The following IKZF2 variants were observed in gnomAD, a reference collection of about 807,000 sequenced individuals.
IKZF2 encodes the protein zinc finger protein Helios.
IKZF2 carries 15 observed loss-of-function variants against 49.2 expected under a neutral mutation model. The observed-to-expected ratio is 0.30, with a 90% confidence interval of 0.20 to 0.47. The LOEUF is 0.47. Among genes scored for constraint, IKZF2 ranks in the 20% least tolerant of loss-of-function variants. The probability of loss-of-function intolerance (pLI) is 1.00; values close to 1 mark genes in which losing one functional copy is unlikely to be tolerated. For synonymous variants in IKZF2, 227 were observed against 221.4 expected (o/e 1.03, Z -0.23); for missense variants, 567 against 664.6 (o/e 0.85, Z 1.61).
chr2:213,046,378 A>C (rs1003370106), intron 6 of IKZF2, among the ~76,000 whole-genome samples: 1 of 152,168 alleles, frequency 6.6e-6, no homozygotes, highest in Non-Finnish European at 1.5e-5. Flanking sequence ...TTTTTGCTTC[A>C]ACCCGTATGT....
intron 6 of IKZF2, among the ~76,000 whole-genome samples, chr2:213,028,966 T>C (rs1698117275): frequency 6.6e-6 from 1 of 152,082 alleles, no homozygotes; most frequent in Non-Finnish European, 1.5e-5. Flanking sequence ...GAAAATTACA[T>C]TGTGATGTTT....
Position 213,001,079 on chromosome 2 carries a change from A to AC in IKZF2, c.*6280_*6281insG, listed in dbSNP as rs2124937622. The stretch of plus-strand genomic sequence containing the variant: ...AAGAATAGGTCAGAAAAGAAAAAAA[A>AC]ATCACCATAGTTTTTAAGACTTCAA... On this transcript the variant is annotated 3_prime_UTR_variant, in exon 9 of 9. Transcript: ENST00000434687. The AC allele has an allele frequency of 6.6e-6, 1 of 152,024 alleles. No homozygotes were observed. The highest frequency in any genetic ancestry group is 2.1e-4 in the South Asian group (1 of 4,818). 9.4% of individuals were successfully genotyped at this position (152,024 alleles called of 1,614,324 possible).
At chr2:213,134,041 G>T (rs995171592) in intron 4 of IKZF2, among the ~76,000 whole-genome samples, 1 of 152,074 alleles carries the variant, frequency 6.6e-6, no homozygotes. Flanking sequence ...TTTTACTACA[G>T]TATTAAAGCA....
At chr2:213,124,563 G>GATGC (rs1434114773) in intron 4 of IKZF2, among the ~76,000 whole-genome samples, 1 of 152,190 alleles carries the variant, frequency 6.6e-6, no homozygotes, top group Admixed American at 6.5e-5. Context: ...GACACACTTG[G>GATGC]ATGCATAATT....
intron 4 of IKZF2, among the ~76,000 whole-genome samples, chr2:213,144,316 A>G (rs1162471860): frequency 6.6e-6 from 1 of 151,956 alleles, no homozygotes; most frequent in Non-Finnish European, 1.5e-5. Context: ...GTATTTTCAT[A>G]CCCATTTAAG....
chr2:213,150,463 C>CTCCTCCTCG, intron 1 of IKZF2: 1 of 244,970 alleles, frequency 4.1e-6, no homozygotes, highest in Non-Finnish European at 8.2e-6. Flanking sequence ...CCCCCTCCTC[C>CTCCTCCTCG]TCCTCCTCCT....
At chr2:213,018,478 A>C (rs1696850382) in intron 7 of IKZF2, among the ~76,000 whole-genome samples, 1 of 152,028 alleles carries the variant, frequency 6.6e-6, no homozygotes, top group Non-Finnish European at 1.5e-5. Context: ...TTGCCTCTTC[A>C]TCTTTTTCTT....
chr2:213,083,773 C>T (rs557404210), intron 4 of IKZF2, among the ~76,000 whole-genome samples: 12 of 150,478 alleles, frequency 8.0e-5, no homozygotes, highest in African/African-American at 1.2e-4. Context: ...GAGAATCTAA[C>T]GCCTGATGAT....
At chr2:213,026,970 C>T (rs775000675) in intron 6 of IKZF2, among the ~76,000 whole-genome samples, 1 of 151,828 alleles carries the variant, frequency 6.6e-6, no homozygotes, top group East Asian at 1.9e-4. Flanking sequence ...GTTAGATATG[C>T]CCATAAAAAA....
intron 7 of IKZF2, among the ~76,000 whole-genome samples, chr2:213,017,878 G>A (rs1696786903): frequency 6.6e-6 from 1 of 151,998 alleles, no homozygotes; most frequent in East Asian, 1.9e-4. Flanking sequence ...TGTTGTATTT[G>A]TGTCTCTAAT....
intron 6 of IKZF2, among the ~76,000 whole-genome samples, chr2:213,022,769 C>G (rs955056905): frequency 6.6e-6 from 1 of 152,042 alleles, no homozygotes. Flanking sequence ...AATTAACCTA[C>G]TAGGTGCTTT....
At chr2:213,056,683 C>G in intron 5 of IKZF2, 150 bp downstream of exon 5, 1 of 919,210 alleles carries the variant, frequency 1.1e-6, no homozygotes, top group Non-Finnish European at 1.7e-6. Flanking sequence ...AGGCTACTCT[C>G]TGTTTTTCTG....
intron 4 of IKZF2, among the ~76,000 whole-genome samples, chr2:213,124,244 G>GCGCGCA (rs1553599619): frequency 2.4e-4 from 19 of 79,022 alleles, no homozygotes; most frequent in African/African-American, 1.1e-3. Context: ...ATGCGCTCGC[G>GCGCGCA]CGCGCGCGCA....
At chr2:213,087,842 C>T (rs892183423) in intron 4 of IKZF2, among the ~76,000 whole-genome samples, 8 of 152,128 alleles carry the variant, frequency 5.3e-5, no homozygotes, top group African/African-American at 7.2e-5. Context: ...CATCCTTTTT[C>T]GTGGCTGCAT....
At chr2:213,139,213 G>A (rs1171705128) in intron 4 of IKZF2, among the ~76,000 whole-genome samples, 1 of 151,866 alleles carries the variant, frequency 6.6e-6, no homozygotes, top group Non-Finnish European at 1.5e-5. Context: ...CTGAATCTGG[G>A]GGATTTAGCC....
chr2:213,021,990 C>T lies in IKZF2; in HGVS notation c.712+3G>A. 6.2e-7 allele frequency: 1 copy of T among 1,605,376 alleles called. No individual in the cohort carries two copies. Among genetic ancestry groups the T allele is most frequent in the South Asian group, 1.1e-5 (1 of 88,884 alleles). On this transcript the variant is annotated splice_donor_region_variant and intron_variant, in intron 7 of 8. Transcript: ENST00000434687. ...AAAAATGATGAATCCAGTTTCTACC[C>T]ACCATGGTGACTCATGACCTGCCCA...
At position 213,003,663 on chromosome 2, in the gene IKZF2, T is replaced by C. The variant is rs187973819; in HGVS notation, c.*3697A>G. 1 of 151,782 alleles carries C rather than the reference T, an allele frequency of 6.6e-6. No individual in the cohort carries two copies. Among genetic ancestry groups the C allele is most frequent in the East Asian group, 1.9e-4 (1 of 5,166 alleles). The allele number at this position is 151,782 out of a possible 1,614,324, so 9.4% of individuals were successfully genotyped here. A position where few individuals can be genotyped will look rare whatever the true frequency, so the allele number is the denominator to read the frequency against. On this transcript the variant is annotated 3_prime_UTR_variant, in exon 9 of 9. Coordinates refer to ENST00000434687, the MANE Select transcript of IKZF2 (RefSeq NM_001387220.1). Reference sequence around the variant, plus strand: ...TAAAATTTGGAAGATAGTGAGAACATAATAATTTTCATCTAAATGCCTTAA... The same window carrying C: ...TAAAATTTGGAAGATAGTGAGAACACAATAATTTTCATCTAAATGCCTTAA...
intron 4 of IKZF2, among the ~76,000 whole-genome samples, chr2:213,143,453 A>C (rs919202367): frequency 1.3e-5 from 2 of 151,822 alleles, no homozygotes; most frequent in Non-Finnish European, 2.9e-5. Flanking sequence ...ACAAATCTAT[A>C]CCTCTTTTAC....
At chr2:213,122,686 A>G (rs1428586611) in intron 4 of IKZF2, among the ~76,000 whole-genome samples, 1 of 152,214 alleles carries the variant, frequency 6.6e-6, no homozygotes, top group African/African-American at 2.4e-5. Context: ...TAGCTCTTAA[A>G]TTTATATCCA....
Sources: allele counts gnomAD v4.1 joint callset (sites outside exome capture counted in the v4.1 genomes callset), GRCh38; gene constraint gnomAD v4.1.1; transcripts MANE v1.5; gene names NCBI Gene and HGNC (gene_info 2026-07-23, HGNC 2026-07-21).